Variants in IGF2R observed in about 807,000 individuals in gnomAD.
IGF2R encodes the protein insulin like growth factor 2 receptor, also known as cation-independent mannose-6-phosphate receptor.
IGF2R carries 91 observed loss-of-function variants against 270.6 expected under a neutral mutation model. The observed-to-expected ratio is 0.34, with a 90% CI of 0.28 to 0.40. The LOEUF (loss-of-function observed/expected upper bound fraction) is 0.40, where lower values mean the gene tolerates loss of function less well. Among genes scored for constraint, IGF2R ranks in the 10% least tolerant of loss-of-function variants. The pLI, the probability that IGF2R is intolerant of heterozygous loss-of-function variation, is 1.00. For synonymous variants in IGF2R, 1,316 were observed against 1,258.9 expected (o/e 1.05, Z -0.96); for missense variants, 2,805 against 3,188.3 (o/e 0.88, Z 2.90).
At chr6:160,103,489 T>G (rs1239408483) in intron 46 of IGF2R, among the ~76,000 whole-genome samples, 2 of 152,200 alleles carry the variant, frequency 1.3e-5, no homozygotes, top group Non-Finnish European at 2.9e-5. Context: ...GAAAAAGTCC[T>G]TGCCCTAATG....
At chr6:160,042,994 A>G (rs1410761145) in intron 11 of IGF2R, among the ~76,000 whole-genome samples, 154 bp from the exon 12 acceptor site, 1 of 152,158 alleles carries the variant, frequency 6.6e-6, no homozygotes, top group Non-Finnish European at 1.5e-5. Context: ...TTGTGCTTTC[A>G]GTCTGCCCGG....
At chr6:159,976,212 A>G (rs964542223) in intron 1 of IGF2R, among the ~76,000 whole-genome samples, 4 of 151,918 alleles carry the variant, frequency 2.6e-5, no homozygotes, top group Non-Finnish European at 5.9e-5. Flanking sequence ...TTATTTTTCT[A>G]TTCAGATTTT....
chr6:160,028,927 G>A (rs1464133371), intron 6 of IGF2R, among the ~76,000 whole-genome samples: 2 of 146,608 alleles, frequency 1.4e-5, no homozygotes, highest in African/African-American at 5.1e-5. Flanking sequence ...TAATTTTTTT[G>A]TTCCTTTTCT....
At chr6:160,016,184 G>C (rs1353232575) in intron 4 of IGF2R, among the ~76,000 whole-genome samples, 32 of 152,182 alleles carry the variant, frequency 2.1e-4, no homozygotes, top group Admixed American at 2.1e-3. Flanking sequence ...ATTAGAACTT[G>C]GTGGGTCCTG....
chr6:160,103,430 A>G (rs1213759667), intron 46 of IGF2R, among the ~76,000 whole-genome samples: 4 of 152,058 alleles, frequency 2.6e-5, no homozygotes, highest in Non-Finnish European at 5.9e-5. Context: ...GCGAGCCACC[A>G]TTGGGCAGGC....
At chr6:160,103,908 G>A in intron 47 of IGF2R, 93 bp downstream of exon 47, 1 of 790,502 alleles carries the variant, frequency 1.3e-6, no homozygotes, top group Non-Finnish European at 2.2e-6. Context: ...GCCAAGGAAA[G>A]CAGTCACAGG....
chr6:160,079,492 C>G, intron 37 of IGF2R, 88 bp from the exon 38 acceptor site: 1 of 925,810 alleles, frequency 1.1e-6, no homozygotes, highest in Non-Finnish European at 1.5e-6. Context: ...GAACCTGCCT[C>G]CAGCATCAGC....
At chr6:160,095,530 A>G (rs533323997) in intron 44 of IGF2R, 5 of 152,346 alleles carry the variant, frequency 3.3e-5, no homozygotes, top group South Asian at 4.1e-4. Context: ...CGCTTCTTAT[A>G]CAAGTCCAAA....
intron 2 of IGF2R, among the ~76,000 whole-genome samples, chr6:160,001,609 A>G (rs931008717): frequency 1.3e-5 from 2 of 152,318 alleles, no homozygotes; most frequent in Non-Finnish European, 2.9e-5. Context: ...AAAATTTTTT[A>G]TAGTGAGAAA....
chr6:160,053,860 G>A (rs1312879724), intron 19 of IGF2R, among the ~76,000 whole-genome samples: 4 of 152,120 alleles, frequency 2.6e-5, no homozygotes, highest in Admixed American at 1.3e-4. Context: ...TACAGGTGGA[G>A]TTACCTGTAG....
intron 17 of IGF2R, 73 bp from the exon 18 acceptor site, chr6:160,048,302 A>G (rs1288298491): frequency 4.9e-6 from 7 of 1,425,490 alleles, no homozygotes; most frequent in Non-Finnish European, 6.9e-6. Flanking sequence ...TACTTCCCCA[A>G]CTACATAGAA....
rs1778894888 is a variant in IGF2R at position 160,078,178 on chromosome 6, A to T, written c.5317-23A>T. ...ATCCCTATGCCATGGGGTTTTTAAGACCCGTGCTCTTCCTGGCAACAGGGA... is the reference window on the plus strand; with the variant it reads ...ATCCCTATGCCATGGGGTTTTTAAGTCCCGTGCTCTTCCTGGCAACAGGGA... On this transcript the variant is annotated intron_variant, in intron 36 of 47. Coordinates refer to ENST00000356956, the MANE Select transcript of IGF2R (RefSeq NM_000876.4). 2.5e-6 allele frequency: 4 copies of T among 1,612,424 alleles called. No homozygotes were observed. In the South Asian group the frequency reaches 3.3e-5, roughly 13 times the overall value.
intron 2 of IGF2R, among the ~76,000 whole-genome samples, chr6:159,991,693 G>A (rs897541428): frequency 2.6e-5 from 4 of 151,982 alleles, no homozygotes; most frequent in Admixed American, 6.5e-5. Context: ...GTGCTCCCCC[G>A]ACTCCCATTC....
rs1042020594 is a variant in IGF2R at position 160,033,118 on chromosome 6, A to C, written c.1211+11A>C. On this transcript the variant is annotated intron_variant, in intron 9 of 47. Coordinates refer to ENST00000356956, the MANE Select transcript of IGF2R (RefSeq NM_000876.4). ...CAATCAGACCCTCCGGTACGTCAAC[A>C]ACCTCTGTGCGATTTTCCTTTTTCT... 23 of 1,603,428 alleles carry C rather than the reference A, an allele frequency of 1.4e-5. No homozygotes were observed. Among genetic ancestry groups the C allele is most frequent in the Non-Finnish European group, 2.0e-5 (23 of 1,171,644 alleles).
rs758598640 is a variant in IGF2R at position 160,071,903 on chromosome 6, G to C, written c.4444-7G>C. The C allele has an allele frequency of 1.9e-6, 3 of 1,614,152 alleles. No individual in the cohort carries two copies. In the South Asian group the frequency reaches 3.3e-5, roughly 18 times the overall value. On this transcript the variant is annotated splice_polypyrimidine_tract_variant and splice_region_variant and intron_variant, in intron 31 of 47. Transcript: ENST00000356956. ...TCCCTTCAGGACCTGTCTGTGCTTT[G>C]TTGTAGAACTCCAGGCCCATGTTCA...
chr6:159,977,726 CCT>C (rs1783716384), intron 1 of IGF2R, among the ~76,000 whole-genome samples: 1 of 152,322 alleles, frequency 6.6e-6, no homozygotes, highest in East Asian at 1.9e-4. Flanking sequence ...AATCCAGACT[CCT>C]CCCCTCACAG....
At chr6:160,074,144 A>C (rs1778807040) in intron 35 of IGF2R, 169 bp downstream of exon 35, 3 of 607,006 alleles carry the variant, frequency 4.9e-6, no homozygotes, top group East Asian at 2.8e-5. Flanking sequence ...AAAGGTTTGC[A>C]CATTGAACTG....
chr6:160,071,617 G>A (rs1263144961), intron 31 of IGF2R, among the ~76,000 whole-genome samples: 2 of 152,080 alleles, frequency 1.3e-5, no homozygotes, highest in Admixed American at 6.6e-5. Flanking sequence ...TCCTTTGCAC[G>A]CCTGTCCCCA....
chr6:160,100,133 T>G (rs1002090755), intron 45 of IGF2R, among the ~76,000 whole-genome samples: 1 of 152,068 alleles, frequency 6.6e-6, no homozygotes, highest in African/African-American at 2.4e-5. Flanking sequence ...TTCAGCCCAG[T>G]ATGGTAGAAA....
Sources: allele counts gnomAD v4.1 joint callset (sites outside exome capture counted in the v4.1 genomes callset), GRCh38; gene constraint gnomAD v4.1.1; transcripts MANE v1.5; gene names NCBI Gene and HGNC (gene_info 2026-07-23, HGNC 2026-07-21).